FYN: variants seen among roughly 807,000 people sequenced by gnomAD.
The protein encoded by FYN is tyrosine-protein kinase Fyn.
Under a neutral mutation model 70.2 loss-of-function variants are expected in FYN, and 10 were observed. The observed-to-expected ratio is 0.14, with a 90% CI of 0.09 to 0.24. The LOEUF (loss-of-function observed/expected upper bound fraction) is 0.24. Ranked by LOEUF, FYN falls within the 10% of genes least tolerant of loss-of-function variation. FYN has a pLI of 1.00. For missense variants in FYN, 319 were observed against 673.1 expected (o/e 0.47, Z 5.82); for synonymous variants, 236 against 248.6 (o/e 0.95, Z 0.48).
intron 2 of FYN, among the ~76,000 whole-genome samples, chr6:111,841,818 G>C (rs945170749): frequency 1.3e-5 from 2 of 151,098 alleles, no homozygotes; most frequent in Admixed American, 1.3e-4. Flanking sequence ...GCAGAGGGTA[G>C]GTATATTTTT....
chr6:111,719,890 G>A lies in FYN; in HGVS notation c.162C>T (p.His54=), dbSNP rs149406200. The change falls in exon 4 of 14, where the codon CAC becomes CAT. Residue 54 remains histidine, a synonymous_variant. Transcript: ENST00000354650. ...CGGTGAGTCCTTGGCCCCCGGCTGC[G>A]TGGAAGTTGTTGTAGTTGGGGATGG... ...VTSIPNYNNF[H]AAGGQGLTVF... is the part of the protein sequence containing the mutation. 3.8e-5 allele frequency: 62 copies of A among 1,614,170 alleles called. No homozygotes were observed. The African/African-American group carries it at 4.9e-4, about 13-fold the overall frequency.
At chr6:111,753,790 G>T (rs926708288) in intron 3 of FYN, among the ~76,000 whole-genome samples, 1 of 152,184 alleles carries the variant, frequency 6.6e-6, no homozygotes, top group Admixed American at 6.5e-5. Context: ...ATCTAATGTG[G>T]TATTTACTGA....
chr6:111,693,057 G>A (rs1048173587), intron 12 of FYN, among the ~76,000 whole-genome samples: 1 of 152,224 alleles, frequency 6.6e-6, no homozygotes, highest in African/African-American at 2.4e-5. Flanking sequence ...TAGCTGAGCT[G>A]TCTGACCGAC....
At chr6:111,834,086 A>G (rs1015000813) in intron 2 of FYN, among the ~76,000 whole-genome samples, 10 of 152,220 alleles carry the variant, frequency 6.6e-5, no homozygotes, top group African/African-American at 1.9e-4. Flanking sequence ...AAATGGTAGA[A>G]GAAGACCATT....
chr6:111,683,302 C>G (rs1798852096), intron 12 of FYN, among the ~76,000 whole-genome samples: 1 of 152,246 alleles, frequency 6.6e-6, no homozygotes, highest in Admixed American at 6.5e-5. Flanking sequence ...TGCAGCATGA[C>G]CCATGGCTCT....
At chr6:111,759,315 C>CT (rs1802897564) in intron 3 of FYN, among the ~76,000 whole-genome samples, 1 of 152,174 alleles carries the variant, frequency 6.6e-6, no homozygotes, top group African/African-American at 2.4e-5. Context: ...TTCACTGGCA[C>CT]TTTTCCTGAC....
chr6:111,829,772 A>T (rs768712120), intron 2 of FYN, among the ~76,000 whole-genome samples: 1 of 152,202 alleles, frequency 6.6e-6, no homozygotes, highest in Non-Finnish European at 1.5e-5. Context: ...CATTAAGTCT[A>T]TGAAATACTG....
intron 2 of FYN, among the ~76,000 whole-genome samples, chr6:111,785,975 A>G (rs1205255383): frequency 1.3e-5 from 2 of 152,012 alleles, no homozygotes; most frequent in South Asian, 2.1e-4. Context: ...AGCTTCATCC[A>G]TGTCCCTACA....
At chr6:111,794,749 C>T (rs866341348) in intron 2 of FYN, among the ~76,000 whole-genome samples, 2 of 152,194 alleles carry the variant, frequency 1.3e-5, no homozygotes, top group Non-Finnish European at 1.5e-5. Context: ...GCTGCTTTCA[C>T]ACACAACAGC....
At chr6:111,860,546 T>C (rs955482543) in intron 1 of FYN, among the ~76,000 whole-genome samples, 2 of 152,188 alleles carry the variant, frequency 1.3e-5, no homozygotes, top group African/African-American at 2.4e-5. Context: ...AGGGCTTGCC[T>C]TGGGCACCCC....
intron 3 of FYN, among the ~76,000 whole-genome samples, chr6:111,736,187 G>A (rs1801702812): frequency 6.6e-6 from 1 of 152,160 alleles, no homozygotes; most frequent in African/African-American, 2.4e-5. Flanking sequence ...GAGGTCACAG[G>A]GGATCACCAC....
chr6:111,701,513 G>C (rs143719288), intron 8 of FYN, among the ~76,000 whole-genome samples: 2 of 152,076 alleles, frequency 1.3e-5, no homozygotes, highest in African/African-American at 4.8e-5. Flanking sequence ...AGAGAAAGAG[G>C]GAAGAGGGAA....
intron 2 of FYN, among the ~76,000 whole-genome samples, chr6:111,823,819 A>G (rs1772750113): frequency 6.6e-6 from 1 of 152,192 alleles, no homozygotes; most frequent in Admixed American, 6.5e-5. Flanking sequence ...AGGACAAAAC[A>G]TTCTCACAGA....
chr6:111,856,573 A>G (rs988622767), intron 1 of FYN, among the ~76,000 whole-genome samples: 1 of 152,100 alleles, frequency 6.6e-6, no homozygotes, highest in Non-Finnish European at 1.5e-5. Flanking sequence ...AAGTTTTAAA[A>G]ATTTTATTTC....
Position 111,851,374 on chromosome 6 carries a change from C to T in FYN, c.-122-4745G>A, listed in dbSNP as rs534738797. The stretch of plus-strand genomic sequence containing the variant: ...CCCTGTTATGATACTGAAGCTTTTC[C>T]TTTTGGGCCAGTTTTTGTATGAACA... On this transcript the variant is annotated intron_variant, in intron 1 of 13. Coordinates refer to ENST00000354650, the MANE Select transcript of FYN (RefSeq NM_002037.5). Among the ~76,000 whole-genome samples the T allele has an allele frequency of 2.0e-5, 3 of 152,220 alleles. No individual in the cohort carries two copies. In the East Asian group the frequency reaches 5.8e-4, roughly 29 times the overall value.
intron 3 of FYN, among the ~76,000 whole-genome samples, chr6:111,769,528 C>T (rs1188853322): frequency 2.6e-5 from 4 of 151,960 alleles, no homozygotes; most frequent in Non-Finnish European, 5.9e-5. Context: ...GAGTAATACT[C>T]AAAATGGGAC....
chr6:111,836,451 C>G (rs1435464732), intron 2 of FYN, among the ~76,000 whole-genome samples: 1 of 151,646 alleles, frequency 6.6e-6, no homozygotes, highest in Non-Finnish European at 1.5e-5. Context: ...ATATTTCCAA[C>G]AACAACAACA....
Position 111,684,693 on chromosome 6 carries a change from C to G in FYN, c.1273+9682G>C, listed in dbSNP as rs569403077. 1.4e-4 allele frequency among the ~76,000 whole-genome samples: 22 copies of G among 152,222 alleles called. No individual in the cohort carries two copies. The South Asian group carries it at 3.1e-3, about 22-fold the overall frequency. On this transcript the variant is annotated intron_variant, in intron 12 of 13. Coordinates refer to ENST00000354650, the MANE Select transcript of FYN (RefSeq NM_002037.5). ...CCATCACCCTCCTTGCAACGGTGAC[C>G]AATGACAAACCCAGGGTAACTTATG...
At chr6:111,762,357 G>C (rs191151484) in intron 3 of FYN, among the ~76,000 whole-genome samples, 2 of 152,278 alleles carry the variant, frequency 1.3e-5, no homozygotes, top group East Asian at 3.9e-4. Context: ...AGCCCCCCAA[G>C]TGACTAAGTG....
Sources: gnomAD v4.1 joint callset for allele counts (sites outside exome capture counted in the v4.1 genomes callset) on GRCh38, gnomAD v4.1.1 for gene constraint, MANE v1.5 for transcripts, NCBI Gene and HGNC (gene_info 2026-07-23, HGNC 2026-07-21) for gene names.